The following RFX3 variants were observed in gnomAD, a reference collection of about 807,000 sequenced individuals.
RFX3 encodes transcription factor RFX3.
A neutral mutation model predicts 98.6 loss-of-function variants in RFX3; 14 were observed. That is an observed-to-expected ratio of 0.14 (90% confidence interval 0.09 to 0.22). The LOEUF (loss-of-function observed/expected upper bound fraction) is 0.22, where lower values mean the gene tolerates loss of function less well. Among genes scored for constraint, RFX3 ranks in the 10% least tolerant of loss-of-function variants. The pLI, the probability that RFX3 is intolerant of heterozygous loss-of-function variation, is 1.00. For missense variants in RFX3, 639 were observed against 926.9 expected (o/e 0.69, Z 4.03); for synonymous variants, 383 against 328.4 (o/e 1.17, Z -1.80).
At position 3,245,381 on chromosome 9, in the gene RFX3, T is replaced by G. The variant is rs117823828; in HGVS notation, c.1968+2651A>C. On this transcript the variant is annotated intron_variant, in intron 15 of 16. Transcript: ENST00000617270. ...GCCACTGTGATTGCAACAGAAAGAG[T>G]AGGAAGTGGGAGGCTGATGTTGATC... 2.0e-3 allele frequency among the ~76,000 whole-genome samples: 306 copies of G among 151,262 alleles called. 2 individuals carry two copies. Among genetic ancestry groups the G allele is most frequent in the East Asian group, 1.0e-2 (51 of 5,118 alleles).
At position 3,219,325 on chromosome 9, in the gene RFX3, C is replaced by G. The variant is rs1346771088; in HGVS notation, c.*5717G>C. On this transcript the variant is annotated 3_prime_UTR_variant, in exon 17 of 17. Transcript: ENST00000617270. Reference sequence around the variant, plus strand: ...CAGTCAATGGGAGTTTTTATATTTTCTTTCCTCCCCAGAATCAAAATTCTT... The same window carrying G: ...CAGTCAATGGGAGTTTTTATATTTTGTTTCCTCCCCAGAATCAAAATTCTT... The G allele has an allele frequency of 6.6e-6, 1 of 151,878 alleles. No homozygotes were observed. The highest frequency in any genetic ancestry group is 1.9e-4 in the East Asian group (1 of 5,194). 9.4% of individuals were successfully genotyped at this position (151,878 alleles called of 1,614,324 possible).
At chr9:3,337,130 G>C (rs1489617268) in intron 3 of RFX3, among the ~76,000 whole-genome samples, 1 of 152,130 alleles carries the variant, frequency 6.6e-6, no homozygotes, top group Non-Finnish European at 1.5e-5. Flanking sequence ...AACCTACAAA[G>C]TCCTGAGGCC....
chr9:3,509,386 AC>A (rs1348309733), intron 1 of RFX3, among the ~76,000 whole-genome samples: 1 of 151,950 alleles, frequency 6.6e-6, no homozygotes, highest in African/African-American at 2.4e-5. Context: ...AATTAAAAGC[AC>A]CTTTACCCTC....
chr9:3,493,698 A>T lies in RFX3; in HGVS notation c.-9+32049T>A, dbSNP rs866450149. Reference sequence around the variant, plus strand: ...GACTCATCTCAAAAAAAAAAAAAAAAAAATATATATATATATATATATATA... The same window carrying T: ...GACTCATCTCAAAAAAAAAAAAAAATAAATATATATATATATATATATATA... On this transcript the variant is annotated intron_variant, in intron 1 of 16. Coordinates refer to ENST00000617270, the MANE Select transcript of RFX3 (RefSeq NM_001282116.2). Among the ~76,000 whole-genome samples, 704 of 110,846 alleles carry T rather than the reference A, an allele frequency of 6.4e-3. 2 individuals carry two copies. Among genetic ancestry groups the T allele is most frequent in the Non-Finnish European group, 7.5e-3 (448 of 59,432 alleles). The allele number at this position is 110,846 out of a possible 152,430, so 72.7% of individuals were successfully genotyped here.
At chr9:3,227,989 C>A (rs1178696912) in intron 16 of RFX3, among the ~76,000 whole-genome samples, 2 of 152,266 alleles carry the variant, frequency 1.3e-5, no homozygotes, top group South Asian at 2.1e-4. Context: ...ATAGTTCTCC[C>A]CAGTTTTTGT....
At chr9:3,504,972 A>ATATAATATATC (rs1316211073) in intron 1 of RFX3, among the ~76,000 whole-genome samples, 1 of 66,268 alleles carries the variant, frequency 1.5e-5, no homozygotes, top group East Asian at 9.6e-4. Flanking sequence ...TATAATATAT[A>ATATAATATATC]TTATATAATA....
At chr9:3,444,412 G>A (rs1845856332) in intron 1 of RFX3, among the ~76,000 whole-genome samples, 1 of 152,088 alleles carries the variant, frequency 6.6e-6, no homozygotes. Context: ...GGGTAGGGAG[G>A]GATAGATCTT....
chr9:3,256,863 CAG>C (rs761347435), intron 14 of RFX3, 126 bp downstream of exon 14: 213 of 808,924 alleles, frequency 2.6e-4, no homozygotes, highest in Non-Finnish European at 4.0e-4. Flanking sequence ...GTAGTTGTAA[CAG>C]GGAGTTTCCA....
intron 1 of RFX3, among the ~76,000 whole-genome samples, chr9:3,426,263 TAC>T (rs1717722525): frequency 6.6e-6 from 1 of 152,144 alleles, no homozygotes; most frequent in South Asian, 2.1e-4. Context: ...GATGTTTCAA[TAC>T]ATATAATGTA....
intron 15 of RFX3, among the ~76,000 whole-genome samples, chr9:3,231,462 G>A (rs560461163): frequency 2.0e-5 from 3 of 152,296 alleles, no homozygotes; most frequent in South Asian, 4.1e-4. Context: ...CACTATGCCA[G>A]CCAATTCTAG....
chr9:3,475,302 TAAAAG>T (rs1201414232), intron 1 of RFX3, among the ~76,000 whole-genome samples: 1 of 151,478 alleles, frequency 6.6e-6, no homozygotes, highest in African/African-American at 2.4e-5. Flanking sequence ...GACAAAGAGA[TAAAAG>T]AAAAGACAGC....
intron 1 of RFX3, among the ~76,000 whole-genome samples, chr9:3,460,871 A>G (rs1049191604): frequency 3.3e-5 from 5 of 151,858 alleles, no homozygotes; most frequent in Non-Finnish European, 7.4e-5. Context: ...TCCTAACAAC[A>G]TATTATTTTT....
chr9:3,347,009 C>T (rs1171444065), intron 2 of RFX3, among the ~76,000 whole-genome samples: 2 of 152,148 alleles, frequency 1.3e-5, no homozygotes, highest in African/African-American at 4.8e-5. Context: ...CACATTTCAA[C>T]TGTTCAGGTT....
In RFX3 at chr9:3,224,689, T is replaced by G. The variant is rs1489865784; in HGVS notation, c.*353A>C. The G allele has an allele frequency of 5.7e-6, 1 of 176,298 alleles. No homozygotes were observed. The highest frequency in any genetic ancestry group is 1.2e-5 in the Non-Finnish European group (1 of 82,782). The allele number at this position is 176,298 out of a possible 1,614,324, so 10.9% of individuals were successfully genotyped here. A position where few individuals can be genotyped will look rare whatever the true frequency, so the allele number is the denominator to read the frequency against. ...TGCATCTAATTAAAAAACTTACACA[T>G]GAAATCATACACCAAGACTAACAAT... On this transcript the variant is annotated 3_prime_UTR_variant, in exon 17 of 17. Transcript: ENST00000617270.
intron 3 of RFX3, among the ~76,000 whole-genome samples, chr9:3,342,893 A>G (rs896812657): frequency 1.6e-4 from 25 of 152,238 alleles, no homozygotes; most frequent in Admixed American, 1.6e-3. Context: ...TTCCTACAGA[A>G]GCAAGGATAA....
chr9:3,250,093 T>C (rs1210678443), intron 14 of RFX3, among the ~76,000 whole-genome samples: 1 of 151,954 alleles, frequency 6.6e-6, no homozygotes, highest in Non-Finnish European at 1.5e-5. Context: ...ATAAGAGTTA[T>C]ATGAAAATAA....
intron 8 of RFX3, 90 bp from the exon 9 acceptor site, chr9:3,275,702 AAAAC>A (rs747903333): frequency 1.8e-5 from 12 of 685,330 alleles, no homozygotes; most frequent in Admixed American, 2.8e-5. Context: ...ACCAAAAAGA[AAAAC>A]AAATTTTAAA....
chr9:3,324,368 T>C (rs1169393449), intron 4 of RFX3, among the ~76,000 whole-genome samples: 3 of 152,170 alleles, frequency 2.0e-5, no homozygotes, highest in Non-Finnish European at 4.4e-5. Flanking sequence ...CATGTAACTA[T>C]ATTGCTTTTC....
At chr9:3,517,156 A>G (rs945084267) in intron 1 of RFX3, among the ~76,000 whole-genome samples, 5 of 152,174 alleles carry the variant, frequency 3.3e-5, no homozygotes, top group Non-Finnish European at 5.9e-5. Flanking sequence ...TCCCTTTCCC[A>G]GTGTCAATCT....
Sources: gnomAD v4.1 joint callset for allele counts (sites outside exome capture counted in the v4.1 genomes callset) on GRCh38, gnomAD v4.1.1 for gene constraint, MANE v1.5 for transcripts, NCBI Gene and HGNC (gene_info 2026-07-23, HGNC 2026-07-21) for gene names.